Variants in GOLGA8O observed in about 807,000 individuals in gnomAD.
GOLGA8O encodes golgin A8 family member O, also known as golgin subfamily A member 8O.
GOLGA8O carries 4 observed loss-of-function variants against 29.7 expected under a neutral mutation model. That is an observed-to-expected ratio of 0.13 (90% CI 0.07 to 0.31). The LOEUF is 0.31. GOLGA8O is among the 10% of genes least tolerant of loss of function. The probability of loss-of-function intolerance (pLI) is 1.00; values close to 1 mark genes in which losing one functional copy is unlikely to be tolerated. For missense variants in GOLGA8O, 32 were observed against 216.5 expected, an observed-to-expected ratio of 0.15 and a Z score of 5.35; for synonymous variants, 6 against 78.0, an observed-to-expected ratio of 0.08 and a Z score of 4.87.
intron 8 of GOLGA8O, among the ~76,000 whole-genome samples, chr15:32,450,648 C>T (rs551808840): frequency 6.6e-6 from 1 of 152,110 alleles, no homozygotes; most frequent in African/African-American, 2.4e-5. Flanking sequence ...CTAGGACTTG[C>T]CCAAGACCAC....
At chr15:32,458,865 T>C (rs987503481), upstream of GOLGA8O, among the ~76,000 whole-genome samples, 1 of 95,242 alleles carries the variant, frequency 1.0e-5, no homozygotes, top group Non-Finnish European at 2.2e-5. Context: ...CAAACTAGTC[T>C]TGAGCTCCTG....
At chr15:32,459,332 T>A, upstream of GOLGA8O, among the ~76,000 whole-genome samples, 2 of 100,778 alleles carry the variant, frequency 2.0e-5, no homozygotes, top group Admixed American at 9.3e-5. Flanking sequence ...ATAAGCAACA[T>A]AGAATAGATA....
chr15:32,450,630 T>C (rs2055111477), intron 8 of GOLGA8O, among the ~76,000 whole-genome samples: 1 of 151,776 alleles, frequency 6.6e-6, no homozygotes, highest in Non-Finnish European at 1.5e-5. Flanking sequence ...AAGTACCCAA[T>C]ACCCCACCTA....
chr15:32,450,563 C>T (rs1235075526), intron 8 of GOLGA8O, among the ~76,000 whole-genome samples: 2 of 138,140 alleles, frequency 1.4e-5, no homozygotes, highest in African/African-American at 5.3e-5. Context: ...GCACGCGTTT[C>T]CTCTTTCTAC....
At chr15:32,450,460 T>G (rs1308795426) in intron 8 of GOLGA8O, among the ~76,000 whole-genome samples, 2 of 143,452 alleles carry the variant, frequency 1.4e-5, no homozygotes, top group Admixed American at 7.1e-5. Flanking sequence ...TCTTGTTCTC[T>G]CTCCTGAATT....
rs2055134367 is a variant in GOLGA8O at position 32,451,614 on chromosome 15, TG to T, written c.334del (p.His112IlefsTer20). ...SLKQQKKQVE[H>X]QLEEEKKANN... ...AAATCACGTTACTTCTTCCAGCTGATGTTCCACTTGTTTCTTCTGTTGTTTC... is the reference window on the plus strand; with the variant it reads ...AAATCACGTTACTTCTTCCAGCTGATTTCCACTTGTTTCTTCTGTTGTTTC... On this transcript the variant is annotated frameshift_variant, in exon 5 of 19. Coordinates refer to ENST00000509311, the MANE Select transcript of GOLGA8O (RefSeq NM_001277308.1). LOFTEE classifies it high-confidence loss of function. The T allele has an allele frequency of 6.4e-7, 1 of 1,568,148 alleles. No individual in the cohort carries two copies. The highest frequency in any genetic ancestry group is 1.7e-5 in the Admixed American group (1 of 58,228).
chr15:32,457,063 C>G (rs2055195132), upstream of GOLGA8O, among the ~76,000 whole-genome samples: 1 of 36,710 alleles, frequency 2.7e-5, no homozygotes, highest in African/African-American at 7.2e-5. Context: ...GCTCTGTCAC[C>G]CACGCTGGAG....
At position 32,451,487 on chromosome 15, in the gene GOLGA8O, G is replaced by C. The variant is rs532134054; in HGVS notation, c.348+114C>G. On this transcript the variant is annotated intron_variant, in intron 5 of 18. Transcript: ENST00000509311. ...GCCCTGTGGGGATGGGGTGGAATCT[G>C]AGGGGTGAGCCTTCTTCCCCAAGCT... The C allele has an allele frequency of 2.9e-4, 453 of 1,569,082 alleles. 39 individuals are homozygous for C. In the African/African-American group the frequency reaches 5.8e-3, roughly 20 times the overall value.
At chr15:32,452,668 G>A in intron 3 of GOLGA8O, 85 bp downstream of exon 3, 1 of 347,242 alleles carries the variant, frequency 2.9e-6, no homozygotes, top group Non-Finnish European at 4.4e-6. Context: ...GTCTCAGCTG[G>A]CAGAGGGGCA....
At chr15:32,446,685 C>T (rs2055087616) in intron 14 of GOLGA8O, 120 bp from the exon 15 acceptor site, 1 of 736,048 alleles carries the variant, frequency 1.4e-6, no homozygotes, top group Non-Finnish European at 1.9e-6. Context: ...GAGGAATGAG[C>T]TGTTGTTCTT....
At chr15:32,453,237 T>C (rs2055151090) in intron 2 of GOLGA8O, among the ~76,000 whole-genome samples, 1 of 57,694 alleles carries the variant, frequency 1.7e-5, no homozygotes, top group South Asian at 7.2e-4. Flanking sequence ...GTCTAGCAAC[T>C]TGCCCTAAAT....
intron 2 of GOLGA8O, 86 bp from the exon 3 acceptor site, chr15:32,452,898 AAC>A: frequency 7.7e-6 from 1 of 130,214 alleles, no homozygotes; most frequent in Non-Finnish European, 1.4e-5. Flanking sequence ...CATCAACTGC[AAC>A]ATTTTCTTTT....
rs1452432222 is a variant in GOLGA8O at position 32,451,495 on chromosome 15, A to G, written c.348+106T>C. 3.2e-6 allele frequency: 5 copies of G among 1,583,830 alleles called. No homozygotes were observed. The African/African-American group carries it at 5.7e-5, about 18-fold the overall frequency. On this transcript the variant is annotated intron_variant, in intron 5 of 18. Coordinates refer to ENST00000509311, the MANE Select transcript of GOLGA8O (RefSeq NM_001277308.1). ...GGGATGGGGTGGAATCTGAGGGGTGAGCCTTCTTCCCCAAGCTGGGAGTGG... is the reference window on the plus strand; with the variant it reads ...GGGATGGGGTGGAATCTGAGGGGTGGGCCTTCTTCCCCAAGCTGGGAGTGG...
Position 32,452,570 on chromosome 15 carries a change from C to G in GOLGA8O, c.230G>C (p.Ser77Thr), listed in dbSNP as rs1210020117. The G allele has an allele frequency of 6.8e-6, 7 of 1,035,522 alleles. No homozygotes were observed. The highest frequency in any genetic ancestry group is 7.9e-6 in the Non-Finnish European group (6 of 758,278). 64.1% of individuals were successfully genotyped at this position (1,035,522 alleles called of 1,614,324 possible). A position where few individuals can be genotyped will look rare whatever the true frequency, so the allele number is the denominator to read the frequency against. ...GACTACTGCTCGTTCTTGGCACGGG[C>G]TCTGAGGTGCATGCAGAGAGGAGGA... The part of the protein sequence containing the change: ...TSSATLKDLE[S>T]PCQERAVVLD... The change falls in exon 4 of 19, where the codon AGC becomes ACC. Residue 77 changes from serine (S) to threonine (T), a missense_variant and splice_region_variant. Physicochemically the swap from Ser to Thr is moderately conservative, Grantham distance 58 (BLOSUM62 1). Coordinates refer to ENST00000509311, the MANE Select transcript of GOLGA8O (RefSeq NM_001277308.1).
chr15:32,455,934 CAT>C (rs1301421000), upstream of GOLGA8O: 3 of 121,200 alleles, frequency 2.5e-5, no homozygotes, highest in Non-Finnish European at 5.3e-5. Flanking sequence ...TATGTGTGTC[CAT>C]GTGTGTGTAT....
chr15:32,445,746 C>A lies in GOLGA8O; in HGVS notation c.1470-31G>T, dbSNP rs778018544. ...GGAGGACAGGGCTCAGATTCTGGGG[C>A]CCCTCTGATGGCTCTGTAGCTCCCC... is the stretch of plus-strand genomic sequence containing the variant. On this transcript the variant is annotated intron_variant, in intron 16 of 18. Transcript: ENST00000509311. 5 of 850,510 alleles carry A rather than the reference C, an allele frequency of 5.9e-6. 2 individuals carry two copies. In the Admixed American group the frequency reaches 7.3e-5, roughly 13 times the overall value. The allele number at this position is 850,510 out of a possible 1,614,324, so 52.7% of individuals were successfully genotyped here.
At chr15:32,451,519 G>T in intron 5 of GOLGA8O, 82 bp downstream of exon 5, 2 of 1,596,968 alleles carry the variant, frequency 1.3e-6, no homozygotes, top group Non-Finnish European at 1.7e-6. Flanking sequence ...AGCTGGGAGT[G>T]GGTGAGACGA....
At chr15:32,453,321 G>A (rs1331384329) in intron 2 of GOLGA8O, among the ~76,000 whole-genome samples, 1 of 79,988 alleles carries the variant, frequency 1.3e-5, no homozygotes, top group Non-Finnish European at 2.6e-5. Flanking sequence ...TTGAGACAGA[G>A]TCTTGCTCTT....
chr15:32,458,504 G>T (rs2140326032), upstream of GOLGA8O, among the ~76,000 whole-genome samples: 1 of 107,694 alleles, frequency 9.3e-6, no homozygotes, highest in Non-Finnish European at 2.0e-5. Context: ...ATTTATGATT[G>T]CAACAGGAGA....
Sources: allele counts gnomAD v4.1 joint callset (sites outside exome capture counted in the v4.1 genomes callset), GRCh38; gene constraint gnomAD v4.1.1; transcripts MANE v1.5; gene names NCBI Gene and HGNC (gene_info 2026-07-23, HGNC 2026-07-21).